The following FGD6 variants were observed in gnomAD, a reference collection of about 807,000 sequenced individuals.
FGD6 encodes FYVE, RhoGEF and PH domain containing 6.
FGD6 carries 90 observed loss-of-function variants against 149.4 expected under a neutral mutation model. That is an observed-to-expected ratio of 0.60 (90% CI 0.51 to 0.72). FGD6 has a LOEUF of 0.72. Ranked by LOEUF, FGD6 falls within the 30% of genes least tolerant of loss-of-function variation. The pLI is 0.00. For synonymous variants in FGD6, 527 were observed against 584.0 expected, an observed-to-expected ratio of 0.90 and a Z score of 1.41; for missense variants, 1,437 against 1,684.8, an observed-to-expected ratio of 0.85 and a Z score of 2.57.
At chr12:95,126,141 A>T (rs1879331738) in intron 8 of FGD6, 2 of 1,036,062 alleles carry the variant, frequency 1.9e-6, no homozygotes, top group Non-Finnish European at 3.0e-6. Context: ...GAATGAAGTT[A>T]ACAAGCTTCA....
rs2056715798 is a variant in FGD6, at chr12:95,209,955, C to T, written c.1329G>A (p.Gly443=). The change falls in exon 2 of 21, where the codon GGG becomes GGA. Residue 443 remains glycine, a synonymous_variant. Coordinates refer to ENST00000343958, the MANE Select transcript of FGD6 (RefSeq NM_018351.4). ...ATACAGTACATCTTATAAAACCGGTCCCTTCGTCCACAGCAAGCGACATAC... is the reference window on the plus strand; with the variant it reads ...ATACAGTACATCTTATAAAACCGGTTCCTTCGTCCACAGCAAGCGACATAC... The part of the protein sequence containing the change: ...GSSMSLAVDE[G]TGFIRCTVSM... 1.2e-6 allele frequency: 2 copies of T among 1,611,802 alleles called. No individual in the cohort carries two copies. The highest frequency in any genetic ancestry group is 1.7e-6 in the Non-Finnish European group (2 of 1,179,258).
chr12:95,132,302 A>G (rs968497369), intron 8 of FGD6, among the ~76,000 whole-genome samples: 1 of 152,216 alleles, frequency 6.6e-6, no homozygotes, highest in Admixed American at 6.5e-5. Flanking sequence ...GGCATAAGCC[A>G]CTACACCTAG....
At chr12:95,146,844 C>A (rs1276887321) in intron 5 of FGD6, among the ~76,000 whole-genome samples, 1 of 151,664 alleles carries the variant, frequency 6.6e-6, no homozygotes, top group Non-Finnish European at 1.5e-5. Context: ...ACCAGCTTGG[C>A]CAGCTCGAAT....
chr12:95,212,574 TA>T (rs2056733057), intron 1 of FGD6, among the ~76,000 whole-genome samples: 1 of 152,218 alleles, frequency 6.6e-6, no homozygotes, highest in Non-Finnish European at 1.5e-5. Flanking sequence ...AGACATGTCA[TA>T]AAAAATATTT....
At chr12:95,105,158 A>G (rs1042762225) in intron 13 of FGD6, 72 bp from the exon 14 acceptor site, 12 of 1,349,536 alleles carry the variant, frequency 8.9e-6, no homozygotes, top group African/African-American at 5.9e-5. Context: ...AAGTTGTCCA[A>G]TGGCCCTGGC....
chr12:95,180,242 A>T (rs1458231162), intron 2 of FGD6, among the ~76,000 whole-genome samples: 2 of 152,104 alleles, frequency 1.3e-5, no homozygotes, highest in Admixed American at 1.3e-4. Context: ...AAGTGTGTAT[A>T]TTTGTGTGTG....
chr12:95,191,424 G>A (rs1260557370), intron 2 of FGD6, among the ~76,000 whole-genome samples: 3 of 152,200 alleles, frequency 2.0e-5, no homozygotes, highest in African/African-American at 7.2e-5. Flanking sequence ...TGTACATTCT[G>A]GAAGCCTGGT....
Position 95,149,226 on chromosome 12 carries a change from GC to G in FGD6, c.2685+3584del. On this transcript the variant is annotated intron_variant, in intron 5 of 20. Coordinates refer to ENST00000343958, the MANE Select transcript of FGD6 (RefSeq NM_018351.4). ...AATATTATATATTATATAATATATA[GC>G]ATATATATTATATAATATATAGCAT... 8.2e-5 allele frequency among the ~76,000 whole-genome samples: 2 copies of G among 24,446 alleles called. 1 individual carries two copies. Among genetic ancestry groups the G allele is most frequent in the African/African-American group, 4.3e-4 (2 of 4,678 alleles). The allele number at this position is 24,446 out of a possible 152,430, so 16.0% of individuals were successfully genotyped here.
rs55914188 is a variant in FGD6, at chr12:95,125,018, G to A, written c.3082+9721C>T. ...AAAATATTTTATTACTGTGATTGTG[G>A]TATAGCAAAAAAAAATTTTTTTTTA... On this transcript the variant is annotated intron_variant, in intron 8 of 20. Transcript: ENST00000343958. 8.9e-3 allele frequency among the ~76,000 whole-genome samples: 1,355 copies of A among 151,980 alleles called. 20 individuals are homozygous for A. The highest frequency in any genetic ancestry group is 0.031 in the African/African-American group (1,282 of 41,418).
chr12:95,086,557 T>G (rs1458367354), intron 18 of FGD6, among the ~76,000 whole-genome samples: 1 of 145,684 alleles, frequency 6.9e-6, no homozygotes, highest in Non-Finnish European at 1.5e-5. Flanking sequence ...TTTTTTTTTT[T>G]GAGACTGAGT....
At chr12:95,197,256 T>C (rs552532488) in intron 2 of FGD6, among the ~76,000 whole-genome samples, 14 of 152,108 alleles carry the variant, frequency 9.2e-5, no homozygotes, top group Admixed American at 1.3e-4. Context: ...CTGGCCAACA[T>C]GGTGAACTCC....
chr12:95,186,225 CTTCTTTTT>C lies in FGD6; in HGVS notation c.2442-13489_2442-13482del, dbSNP rs1351434606. On this transcript the variant is annotated intron_variant, in intron 2 of 20. Transcript: ENST00000343958. ...AGCTAAGAATGCTTCTTATATTCTT[CTTCTTTTT>C]TTTTTTTTTTTTTTTTTTTTTTTTT... Among the ~76,000 whole-genome samples the C allele has an allele frequency of 1.4e-4, 10 of 71,186 alleles. 1 individual carries two copies. In the East Asian group the frequency reaches 4.3e-3, roughly 31 times the overall value. 46.7% of individuals were successfully genotyped at this position (71,186 alleles called of 152,430 possible). A position where few individuals can be genotyped will look rare whatever the true frequency, so the allele number is the denominator to read the frequency against.
intron 3 of FGD6, among the ~76,000 whole-genome samples, chr12:95,155,262 C>T (rs1250579345): frequency 1.3e-5 from 2 of 152,164 alleles, no homozygotes; most frequent in African/African-American, 4.8e-5. Flanking sequence ...CGCACTGGCT[C>T]ACACCTGTAA....
At chr12:95,137,344 C>G (rs1448389342) in intron 7 of FGD6, among the ~76,000 whole-genome samples, 178 bp downstream of exon 7, 2 of 152,112 alleles carry the variant, frequency 1.3e-5, no homozygotes, top group Non-Finnish European at 2.9e-5. Context: ...AAAATTAAGT[C>G]ATGTACATTC....
chr12:95,119,124 TA>T (rs145283644), intron 8 of FGD6, among the ~76,000 whole-genome samples: 1,843 of 152,134 alleles, frequency 0.012, 37 homozygotes, highest in African/African-American at 0.042. Context: ...ATAATAATAA[TA>T]AAGATAGAAA....
At chr12:95,148,665 TAC>T (rs1880112105) in intron 5 of FGD6, among the ~76,000 whole-genome samples, 3 of 120,480 alleles carry the variant, frequency 2.5e-5, no homozygotes, top group African/African-American at 6.5e-5. Flanking sequence ...TATTATATAA[TAC>T]ATAGCATATG....
intron 9 of FGD6, among the ~76,000 whole-genome samples, chr12:95,111,525 C>T (rs186273816): frequency 1.6e-4 from 24 of 152,276 alleles, no homozygotes; most frequent in Admixed American, 1.6e-3. Flanking sequence ...TTTGTATCCT[C>T]ACGAGAGGGG....
chr12:95,214,778 G>T (rs544017579), intron 1 of FGD6, among the ~76,000 whole-genome samples: 1 of 151,794 alleles, frequency 6.6e-6, no homozygotes, highest in South Asian at 2.1e-4. Context: ...GCAAAGCACA[G>T]ACAATGAAGA....
intron 13 of FGD6, 111 bp from the exon 14 acceptor site, chr12:95,105,197 C>A: frequency 2.3e-6 from 2 of 864,472 alleles, no homozygotes; most frequent in Middle Eastern, 2.3e-4. Flanking sequence ...ATCTTCCTAT[C>A]CAGCTTTCTC....
Sources: gnomAD v4.1 joint callset for allele counts (sites outside exome capture counted in the v4.1 genomes callset) on GRCh38, gnomAD v4.1.1 for gene constraint, MANE v1.5 for transcripts, NCBI Gene and HGNC (gene_info 2026-07-23, HGNC 2026-07-21) for gene names.